NRXN1: variants seen among roughly 807,000 people sequenced by gnomAD.
NRXN1 encodes neurexin 1.
A neutral mutation model predicts 150.9 loss-of-function variants in NRXN1; 39 were observed. That is an observed-to-expected ratio of 0.26 (90% CI 0.20 to 0.34). The LOEUF is 0.34. Among genes scored for constraint, NRXN1 ranks in the 10% least tolerant of loss-of-function variants. The pLI, the probability that NRXN1 is intolerant of heterozygous loss-of-function variation, is 1.00. For missense variants in NRXN1, 1,815 were observed against 1,949.9 expected (o/e 0.93, Z 1.30); for synonymous variants, 924 against 757.0 (o/e 1.22, Z -3.62).
intron 18 of NRXN1, among the ~76,000 whole-genome samples, chr2:50,184,229 T>C (rs926544129): frequency 6.6e-6 from 1 of 152,074 alleles, no homozygotes; most frequent in African/African-American, 2.4e-5. Context: ...TAAGCAAATC[T>C]ATATTTTCAA....
At chr2:50,292,546 A>G (rs1246291511) in intron 17 of NRXN1, among the ~76,000 whole-genome samples, 1 of 152,176 alleles carries the variant, frequency 6.6e-6, no homozygotes, top group Non-Finnish European at 1.5e-5. Flanking sequence ...CATTGTCCCC[A>G]CTTAAGAAAA....
chr2:50,583,198 C>T (rs1057268074), intron 8 of NRXN1, among the ~76,000 whole-genome samples: 1 of 151,880 alleles, frequency 6.6e-6, no homozygotes, highest in African/African-American at 2.4e-5. Flanking sequence ...CTACAGACAC[C>T]TGGCTAATTT....
chr2:50,279,389 C>G (rs1023218141), intron 17 of NRXN1, among the ~76,000 whole-genome samples: 8 of 152,116 alleles, frequency 5.3e-5, no homozygotes, highest in Non-Finnish European at 7.4e-5. Context: ...ACATAACATG[C>G]TAGCAAAATA....
At chr2:50,680,500 T>C (rs9309187) in intron 5 of NRXN1, among the ~76,000 whole-genome samples, 83,532 of 151,936 alleles carry the variant, frequency 0.55, 23,372 homozygotes, top group South Asian at 0.62. Context: ...AGCAACATTG[T>C]TATAATGTTG....
intron 5 of NRXN1, among the ~76,000 whole-genome samples, chr2:50,736,654 T>A (rs1698790470): frequency 6.6e-6 from 1 of 152,166 alleles, no homozygotes; most frequent in Non-Finnish European, 1.5e-5. Context: ...TGCTTGGTTC[T>A]CATTCTCTCT....
chr2:50,061,519 A>C (rs1483942799), intron 19 of NRXN1, among the ~76,000 whole-genome samples: 1 of 152,234 alleles, frequency 6.6e-6, no homozygotes, highest in Non-Finnish European at 1.5e-5. Context: ...TTTTACCTTC[A>C]AGTATTCTAA....
intron 21 of NRXN1, among the ~76,000 whole-genome samples, chr2:50,035,421 T>G (rs2152571713): frequency 6.6e-6 from 1 of 152,210 alleles, no homozygotes; most frequent in Non-Finnish European, 1.5e-5. Flanking sequence ...ACAAAAAAAC[T>G]CTCAAAAACA....
intron 5 of NRXN1, among the ~76,000 whole-genome samples, chr2:50,624,216 T>C (rs1204121049): frequency 6.6e-6 from 1 of 152,156 alleles, no homozygotes; most frequent in African/African-American, 2.4e-5. Context: ...GGTGGCAGTA[T>C]GTTTTTAATA....
chr2:50,263,989 TA>T (rs1363591996), intron 17 of NRXN1, among the ~76,000 whole-genome samples: 2 of 152,110 alleles, frequency 1.3e-5, no homozygotes, highest in Non-Finnish European at 2.9e-5. Flanking sequence ...TTCAGTATCA[TA>T]AGGGTCCTTA....
chr2:50,051,832 A>G (rs1032907433), intron 21 of NRXN1, among the ~76,000 whole-genome samples: 2 of 152,126 alleles, frequency 1.3e-5, no homozygotes, highest in African/African-American at 2.4e-5. Flanking sequence ...ACATGTAGAC[A>G]GTGATCAATA....
At chr2:50,063,547 GACACACACACACACAC>G (rs3046664) in intron 19 of NRXN1, among the ~76,000 whole-genome samples, 1 of 137,514 alleles carries the variant, frequency 7.3e-6, no homozygotes, top group African/African-American at 2.7e-5. Flanking sequence ...CACCTCAACA[GACACACACACACACAC>G]ACACACACAC....
At chr2:50,086,783 C>G (rs1429279822) in intron 19 of NRXN1, among the ~76,000 whole-genome samples, 2 of 149,720 alleles carry the variant, frequency 1.3e-5, no homozygotes, top group Admixed American at 1.3e-4. Context: ...TGAATAATTG[C>G]TGGTTAAAAG....
chr2:50,146,159 T>A (rs1172168026), intron 18 of NRXN1, among the ~76,000 whole-genome samples: 1 of 151,616 alleles, frequency 6.6e-6, no homozygotes, highest in African/African-American at 2.4e-5. Context: ...TTACCATGAT[T>A]CATTCAAAAG....
chr2:50,710,765 T>G (rs1051967095), intron 5 of NRXN1, among the ~76,000 whole-genome samples: 1 of 152,246 alleles, frequency 6.6e-6, no homozygotes, highest in African/African-American at 2.4e-5. Flanking sequence ...ACTTTAAGTT[T>G]GCTTCTCTGC....
chr2:49,973,615 G>GCACACA (rs34492177), intron 21 of NRXN1, among the ~76,000 whole-genome samples: 9 of 147,964 alleles, frequency 6.1e-5, no homozygotes, highest in African/African-American at 2.2e-4. Flanking sequence ...ACATACATAT[G>GCACACA]CACACACACA....
At chr2:50,434,610 G>A (rs1418657351) in intron 17 of NRXN1, among the ~76,000 whole-genome samples, 1 of 152,132 alleles carries the variant, frequency 6.6e-6, no homozygotes, top group Non-Finnish European at 1.5e-5. Flanking sequence ...AAATGGGAAG[G>A]TCATCTTTAA....
At chr2:50,665,752 A>G (rs1687933103) in intron 5 of NRXN1, among the ~76,000 whole-genome samples, 1 of 151,978 alleles carries the variant, frequency 6.6e-6, no homozygotes, top group Admixed American at 6.6e-5. Context: ...CAACTAAAAA[A>G]CACATGTTTG....
chr2:50,511,959 G>A (rs1176449496), intron 12 of NRXN1, among the ~76,000 whole-genome samples: 1 of 152,066 alleles, frequency 6.6e-6, no homozygotes, highest in Non-Finnish European at 1.5e-5. Flanking sequence ...GGAGGTAATG[G>A]TAAAGAAAAT....
In NRXN1 at chr2:50,976,121, G is replaced by C. The variant is rs956316616; in HGVS notation, c.773-50166C>G. On this transcript the variant is annotated intron_variant, in intron 2 of 22. Coordinates refer to ENST00000401669, the MANE Select transcript of NRXN1 (RefSeq NM_001330078.2). ...CTATTTTCTGATGAGGACTTGTACT[G>C]TTTTCAAATGCCTCTCTATTCCCTT... 2.7e-5 allele frequency among the ~76,000 whole-genome samples: 4 copies of C among 150,844 alleles called. No individual in the cohort carries two copies. In the South Asian group the frequency reaches 8.4e-4, roughly 32 times the overall value.
Sources: allele counts gnomAD v4.1 joint callset (sites outside exome capture counted in the v4.1 genomes callset), GRCh38; gene constraint gnomAD v4.1.1; transcripts MANE v1.5; gene names NCBI Gene and HGNC (gene_info 2026-07-23, HGNC 2026-07-21).